OLFM3: variants seen among roughly 807,000 people sequenced by gnomAD.
The protein encoded by OLFM3 is noelin-3.
In OLFM3, 20 loss-of-function variants were observed where a neutral mutation model predicts 48.6. The observed-to-expected ratio is 0.41, with a 90% CI of 0.29 to 0.60. The LOEUF (loss-of-function observed/expected upper bound fraction) is 0.60, where lower values mean the gene tolerates loss of function less well. Among genes scored for constraint, OLFM3 ranks in the 20% least tolerant of loss-of-function variants. The probability of loss-of-function intolerance (pLI) is 0.28; values close to 1 mark genes in which losing one functional copy is unlikely to be tolerated. For synonymous variants in OLFM3, 222 were observed against 198.1 expected (o/e 1.12, Z -1.01); for missense variants, 437 against 544.3 (o/e 0.80, Z 1.96).
intron 3 of OLFM3, among the ~76,000 whole-genome samples, chr1:101,829,707 T>A (rs750688245): frequency 1.3e-5 from 2 of 152,252 alleles, no homozygotes; most frequent in African/African-American, 2.4e-5. Context: ...ACTTCCTAAC[T>A]GACAAGAAAA....
chr1:101,808,044 AATC>A (rs1420515549), intron 4 of OLFM3, among the ~76,000 whole-genome samples: 1 of 151,838 alleles, frequency 6.6e-6, no homozygotes, highest in African/African-American at 2.4e-5. Context: ...TACATTTTTT[AATC>A]AACTGATGAT....
intron 1 of OLFM3, among the ~76,000 whole-genome samples, chr1:101,896,799 GATCTCTTTTCT>G (rs1391291102): frequency 6.8e-6 from 1 of 147,944 alleles, no homozygotes; most frequent in East Asian, 2.0e-4. Flanking sequence ...TCCATTCTCT[GATCTCTTTTCT>G]ATCTGAACTG....
chr1:101,954,903 G>A (rs556031715), intron 1 of OLFM3, among the ~76,000 whole-genome samples: 121 of 152,082 alleles, frequency 8.0e-4, no homozygotes, highest in African/African-American at 2.6e-3. Context: ...TATGCTTTGG[G>A]TCAAAATACA....
chr1:101,896,603 T>G (rs1361841679), intron 1 of OLFM3, among the ~76,000 whole-genome samples: 1 of 146,958 alleles, frequency 6.8e-6, no homozygotes, highest in Non-Finnish European at 1.5e-5. Flanking sequence ...CACGCCATTC[T>G]CCTGCCTCAG....
At chr1:101,948,872 AT>A (rs1452976349) in intron 1 of OLFM3, among the ~76,000 whole-genome samples, 28 of 147,754 alleles carry the variant, frequency 1.9e-4, no homozygotes, top group South Asian at 1.3e-3. Flanking sequence ...ATATTTATAT[AT>A]TTTTTATTGT....
At chr1:101,822,261 A>G (rs1304305027) in intron 4 of OLFM3, among the ~76,000 whole-genome samples, 2 of 152,168 alleles carry the variant, frequency 1.3e-5, no homozygotes, top group Admixed American at 6.6e-5. Flanking sequence ...TGTAGAAGGA[A>G]AGCTCATTTA....
In OLFM3 at chr1:101,844,381, C is replaced by A. The variant is rs551771124; in HGVS notation, c.70-7356G>T. ...AAGAATCCAGGGACATGGAAACAAT[C>A]TGAGCAGGGTAGTGAGAACCTAGTG... On this transcript the variant is annotated intron_variant, in intron 1 of 5. Coordinates refer to ENST00000370103, the MANE Select transcript of OLFM3 (RefSeq NM_058170.4). 4.6e-5 allele frequency among the ~76,000 whole-genome samples: 7 copies of A among 152,148 alleles called. No individual in the cohort carries two copies. The East Asian group carries it at 1.4e-3, about 29-fold the overall frequency.
At chr1:101,824,104 T>TTGTGTGTG (rs141570598) in intron 4 of OLFM3, among the ~76,000 whole-genome samples, 2 of 150,062 alleles carry the variant, frequency 1.3e-5, no homozygotes, top group African/African-American at 4.9e-5. Context: ...AATTAATCTT[T>TTGTGTGTG]TGTGTGTGTG....
At chr1:101,970,963 T>C (rs896545985) in intron 1 of OLFM3, among the ~76,000 whole-genome samples, 3 of 152,206 alleles carry the variant, frequency 2.0e-5, no homozygotes, top group African/African-American at 7.2e-5. Flanking sequence ...AGCTGAGTGA[T>C]GGCAGATGAG....
chr1:101,869,729 T>C (rs1435198565), intron 1 of OLFM3, among the ~76,000 whole-genome samples: 1 of 152,184 alleles, frequency 6.6e-6, no homozygotes, highest in East Asian at 1.9e-4. Flanking sequence ...TGGGAGGTAA[T>C]TGAATCATGG....
At chr1:101,857,039 C>T (rs1245604161) in intron 1 of OLFM3, among the ~76,000 whole-genome samples, 2 of 151,990 alleles carry the variant, frequency 1.3e-5, no homozygotes, top group Non-Finnish European at 2.9e-5. Flanking sequence ...GTAAAATTTA[C>T]TATGGGCCCT....
At chr1:101,820,949 G>T (rs974052134) in intron 4 of OLFM3, among the ~76,000 whole-genome samples, 7 of 152,008 alleles carry the variant, frequency 4.6e-5, no homozygotes, top group African/African-American at 1.4e-4. Context: ...AAGCCTTCTT[G>T]CTGTTGTTAC....
intron 1 of OLFM3, among the ~76,000 whole-genome samples, chr1:101,881,648 T>C (rs1330968053): frequency 1.3e-5 from 2 of 151,846 alleles, no homozygotes; most frequent in African/African-American, 4.8e-5. Context: ...TATTTCCTTC[T>C]TTTGGAAAAA....
rs185021568 is a variant in OLFM3, at chr1:101,962,147, T to C, written c.69+34601A>G. 2.0e-3 allele frequency among the ~76,000 whole-genome samples: 299 copies of C among 152,280 alleles called. 1 individual carries two copies. Among genetic ancestry groups the C allele is most frequent in the African/African-American group, 6.6e-3 (274 of 41,558 alleles). ...ATTAGTTATCAGCACCTTTTTCTTT[T>C]TGGGAGTTCAGTGTTGTAAAAAGAA... is the stretch of plus-strand genomic sequence containing the variant. On this transcript the variant is annotated intron_variant, in intron 1 of 5. Coordinates refer to ENST00000370103, the MANE Select transcript of OLFM3 (RefSeq NM_058170.4).
chr1:101,967,640 G>GAACACC (rs1224687917), intron 1 of OLFM3, among the ~76,000 whole-genome samples: 2 of 132,138 alleles, frequency 1.5e-5, no homozygotes, highest in African/African-American at 2.9e-5. Context: ...CGAAAGGAAT[G>GAACACC]AACACCAATC....
intron 1 of OLFM3, among the ~76,000 whole-genome samples, chr1:101,964,358 G>T (rs1162365242): frequency 1.3e-5 from 2 of 152,048 alleles, no homozygotes; most frequent in Non-Finnish European, 2.9e-5. Context: ...CACAACAAAG[G>T]GTTTGCAGTT....
chr1:101,843,033 T>C (rs560048090), intron 1 of OLFM3, among the ~76,000 whole-genome samples: 3 of 152,306 alleles, frequency 2.0e-5, no homozygotes, highest in African/African-American at 7.2e-5. Flanking sequence ...AAAACAGTCA[T>C]ATACAAATCA....
chr1:101,949,960 G>A (rs929143915), intron 1 of OLFM3, among the ~76,000 whole-genome samples: 1 of 137,108 alleles, frequency 7.3e-6, no homozygotes, highest in African/African-American at 2.7e-5. Context: ...CCTCTGATGC[G>A]GAGTTTGCAG....
chr1:101,992,049 A>G lies in OLFM3; in HGVS notation c.69+4699T>C, dbSNP rs114408293. Reference sequence around the variant, plus strand: ...TCAGAACATCTAGGCTCCTCATTCTATAGGTATGGGCATGAAAATCACAGC... The same window carrying G: ...TCAGAACATCTAGGCTCCTCATTCTGTAGGTATGGGCATGAAAATCACAGC... On this transcript the variant is annotated intron_variant, in intron 1 of 5. Transcript: ENST00000370103. Among the ~76,000 whole-genome samples the G allele has an allele frequency of 6.5e-3, 982 of 152,248 alleles. 8 individuals carry two copies. The highest frequency in any genetic ancestry group is 0.02 in the Middle Eastern group (6 of 294).
Sources: gnomAD v4.1 joint callset for allele counts (sites outside exome capture counted in the v4.1 genomes callset) on GRCh38, gnomAD v4.1.1 for gene constraint, MANE v1.5 for transcripts, NCBI Gene and HGNC (gene_info 2026-07-23, HGNC 2026-07-21) for gene names.